Variants in ZMYM5 observed in about 807,000 individuals in gnomAD.
The protein encoded by ZMYM5 is zinc finger MYM-type containing 5.
In ZMYM5, 41 loss-of-function variants were observed where a neutral mutation model predicts 61.8. The ratio of observed to expected loss-of-function variants is 0.66; its 90% CI spans 0.52 to 0.86. ZMYM5 has a LOEUF of 0.86. Ranked by LOEUF, ZMYM5 falls within the 40% of genes least tolerant of loss-of-function variation. ZMYM5 has a pLI of 0.00. For missense variants in ZMYM5, 706 were observed against 786.7 expected, an observed-to-expected ratio of 0.90 and a Z score of 1.23; for synonymous variants, 257 against 276.4, an observed-to-expected ratio of 0.93 and a Z score of 0.70.
intron 4 of ZMYM5, among the ~76,000 whole-genome samples, chr13:19,844,231 G>A (rs1952997542): frequency 6.6e-6 from 1 of 151,748 alleles, no homozygotes; most frequent in South Asian, 2.1e-4. Context: ...GATGGCTTGA[G>A]CCCGGGAGGT....
intron 4 of ZMYM5, among the ~76,000 whole-genome samples, chr13:19,840,864 A>T (rs1283701269): frequency 6.6e-6 from 1 of 151,832 alleles, no homozygotes; most frequent in Non-Finnish European, 1.5e-5. Flanking sequence ...TTTTTAGTAG[A>T]GACGGGGTTT....
intron 2 of ZMYM5, among the ~76,000 whole-genome samples, chr13:19,852,870 G>A (rs1257318343): frequency 6.6e-6 from 1 of 152,164 alleles, no homozygotes; most frequent in African/African-American, 2.4e-5. Flanking sequence ...TCTTTTGAGA[G>A]AGGGTCTGGC....
chr13:19,840,898 T>C (rs12865440), intron 4 of ZMYM5, among the ~76,000 whole-genome samples: 16,892 of 151,988 alleles, frequency 0.11, 1,064 homozygotes, highest in Middle Eastern at 0.15. Context: ...AGGATGGTCT[T>C]GATCTCCTGA....
At chr13:19,858,756 T>A (rs1300622159) in intron 2 of ZMYM5, among the ~76,000 whole-genome samples, 1 of 152,122 alleles carries the variant, frequency 6.6e-6, no homozygotes, top group African/African-American at 2.4e-5. Flanking sequence ...ACTGCCAACC[T>A]GAGATAGCCA....
chr13:19,863,084 A>T (rs1017105997), intron 1 of ZMYM5, among the ~76,000 whole-genome samples: 1 of 152,140 alleles, frequency 6.6e-6, no homozygotes, highest in Non-Finnish European at 1.5e-5. Flanking sequence ...CGGTCCTGAC[A>T]GCGAAGACCC....
chr13:19,852,241 C>A, intron 2 of ZMYM5, 51 bp from the exon 3 acceptor site: 1 of 1,454,808 alleles, frequency 6.9e-7, no homozygotes, highest in Non-Finnish European at 9.0e-7. Context: ...ATGGTTTTTG[C>A]ATTTTACTAC....
chr13:19,837,088 G>A (rs1470898328), intron 6 of ZMYM5, among the ~76,000 whole-genome samples: 1 of 150,806 alleles, frequency 6.6e-6, no homozygotes, highest in Non-Finnish European at 1.5e-5. Context: ...CTGGAGTACA[G>A]TGGCGCAATC....
intron 4 of ZMYM5, among the ~76,000 whole-genome samples, chr13:19,843,124 AGTT>A (rs200609876): frequency 0.012 from 1,693 of 146,658 alleles, 29 homozygotes; most frequent in African/African-American, 0.041. Flanking sequence ...CAGATTTAAC[AGTT>A]TTTTTTTTTC....
rs372273523 is a variant in ZMYM5 at position 19,852,192 on chromosome 13, T to C, written c.-10-2A>G. On this transcript the variant is annotated splice_acceptor_variant, in intron 2 of 7. Coordinates refer to ENST00000337963, the MANE Select transcript of ZMYM5 (RefSeq NM_001142684.2). LOFTEE classifies it low-confidence loss of function (5UTR_SPLICE). ...GAACATTTTTCCATGCCAATGAACC[T>C]GTAGAGACAGAAAAGAAAAAAAAAA... The C allele has an allele frequency of 1.9e-6, 3 of 1,543,052 alleles. No individual in the cohort carries two copies. The highest frequency in any genetic ancestry group is 2.6e-6 in the Non-Finnish European group (3 of 1,152,964).
At chr13:19,861,640 T>G (rs1015188190) in intron 2 of ZMYM5, among the ~76,000 whole-genome samples, 6 of 152,156 alleles carry the variant, frequency 3.9e-5, no homozygotes, top group African/African-American at 1.4e-4. Flanking sequence ...GAAAACTGTT[T>G]GATCAGGGTT....
intron 4 of ZMYM5, among the ~76,000 whole-genome samples, chr13:19,840,344 A>G (rs1204117391): frequency 6.6e-6 from 1 of 152,184 alleles, no homozygotes; most frequent in Non-Finnish European, 1.5e-5. Context: ...GCAAAACCCC[A>G]TCTCTACAAA....
At chr13:19,857,095 G>C (rs999797544) in intron 2 of ZMYM5, among the ~76,000 whole-genome samples, 1 of 152,258 alleles carries the variant, frequency 6.6e-6, no homozygotes, top group South Asian at 2.1e-4. Flanking sequence ...GACAGAGCGA[G>C]ACTCCGTCTC....
At chr13:19,858,629 C>A (rs967393321) in intron 2 of ZMYM5, among the ~76,000 whole-genome samples, 1 of 136,328 alleles carries the variant, frequency 7.3e-6, no homozygotes, top group Non-Finnish European at 1.6e-5. Context: ...TGATCACATA[C>A]AACTAACTTC....
intron 7 of ZMYM5, among the ~76,000 whole-genome samples, chr13:19,826,754 C>T (rs1032115351): frequency 2.9e-5 from 4 of 136,610 alleles, no homozygotes; most frequent in Admixed American, 1.5e-4. Flanking sequence ...GACTCCGTCT[C>T]GTTAAAAAAA....
At chr13:19,844,811 CG>C (rs1427561977) in intron 4 of ZMYM5, among the ~76,000 whole-genome samples, 2 of 152,082 alleles carry the variant, frequency 1.3e-5, no homozygotes, top group Non-Finnish European at 2.9e-5. Context: ...TTAGCAGAGA[CG>C]GGGTTTCATC....
At chr13:19,829,884 G>A (rs1891117740) in intron 7 of ZMYM5, among the ~76,000 whole-genome samples, 1 of 152,062 alleles carries the variant, frequency 6.6e-6, no homozygotes, top group African/African-American at 2.4e-5. Context: ...TTCTCAATGA[G>A]GAAGATGAAA....
At chr13:19,858,659 C>G (rs1953601951) in intron 2 of ZMYM5, among the ~76,000 whole-genome samples, 2 of 151,340 alleles carry the variant, frequency 1.3e-5, no homozygotes, top group Admixed American at 6.6e-5. Flanking sequence ...CAAAACTCCC[C>G]TAAACAGGAC....
At chr13:19,839,811 T>C (rs1015923245) in intron 4 of ZMYM5, among the ~76,000 whole-genome samples, 1 of 152,238 alleles carries the variant, frequency 6.6e-6, no homozygotes, top group Non-Finnish European at 1.5e-5. Flanking sequence ...AAATCTATTA[T>C]TATTTCCCAG....
At chr13:19,833,508 A>G (rs1444783702) in intron 7 of ZMYM5, among the ~76,000 whole-genome samples, 1 of 152,164 alleles carries the variant, frequency 6.6e-6, no homozygotes, top group Admixed American at 6.6e-5. Flanking sequence ...TTATATACCA[A>G]ACCATACTGC....
Sources: allele counts gnomAD v4.1 joint callset (sites outside exome capture counted in the v4.1 genomes callset), GRCh38; gene constraint gnomAD v4.1.1; transcripts MANE v1.5; gene names NCBI Gene and HGNC (gene_info 2026-07-23, HGNC 2026-07-21).